Variants in ADAMTS15 observed in about 807,000 individuals in gnomAD.
The protein encoded by ADAMTS15 is ADAM metallopeptidase with thrombospondin type 1 motif 15.
A neutral mutation model predicts 79.1 loss-of-function variants in ADAMTS15; 35 were observed. The ratio of observed to expected loss-of-function variants is 0.44; its 90% CI spans 0.34 to 0.59. The LOEUF (loss-of-function observed/expected upper bound fraction) is 0.59. Among genes scored for constraint, ADAMTS15 ranks in the 20% least tolerant of loss-of-function variants. The pLI is 0.02. For synonymous variants in ADAMTS15, 616 were observed against 567.3 expected (o/e 1.09, Z -1.22); for missense variants, 1,324 against 1,318.7 (o/e 1.00, Z -0.06).
Position 130,472,906 on chromosome 11 carries a change from T to C in ADAMTS15, c.2079-141T>C. 2.4e-6 allele frequency: 3 copies of C among 1,262,460 alleles called. No homozygotes were observed. The highest frequency in any genetic ancestry group is 3.3e-6 in the Non-Finnish European group (3 of 909,408). The allele number at this position is 1,262,460 out of a possible 1,614,324, so 78.2% of individuals were successfully genotyped here. On this transcript the variant is annotated intron_variant, in intron 7 of 7. Coordinates refer to ENST00000299164, the MANE Select transcript of ADAMTS15 (RefSeq NM_139055.4). This position sits in a 1 kb window ranked among gnomAD's most constrained non-coding sequence, Gnocchi z 4.7. ...CACCAATCGCCAAGGGGCAGGGACC[T>C]CTCTGACTCCAAAACCTGTGCTTTT...
At chr11:130,466,636 T>G (rs1938305019) in intron 4 of ADAMTS15, among the ~76,000 whole-genome samples, 1 of 152,210 alleles carries the variant, frequency 6.6e-6, no homozygotes, top group Admixed American at 6.5e-5. Flanking sequence ...TGCAGTTGCC[T>G]CCAACTGGTC....
chr11:130,474,038 C>A lies in ADAMTS15; in HGVS notation c.*217C>A. On this transcript the variant is annotated 3_prime_UTR_variant, in exon 8 of 8. Coordinates refer to ENST00000299164, the MANE Select transcript of ADAMTS15 (RefSeq NM_139055.4). Reference sequence around the variant, plus strand: ...AACTCCCGCACAGTCTACCTCAGGCCCCGCTCCTCGGGCCGGTTGCGGGGA... The same window carrying A: ...AACTCCCGCACAGTCTACCTCAGGCACCGCTCCTCGGGCCGGTTGCGGGGA... 1 of 617,312 alleles carries A rather than the reference C, an allele frequency of 1.6e-6. No homozygotes were observed. Among genetic ancestry groups the A allele is most frequent in the Non-Finnish European group, 2.6e-6 (1 of 382,900 alleles). The allele number at this position is 617,312 out of a possible 1,614,324, so 38.2% of individuals were successfully genotyped here.
chr11:130,462,613 T>A lies in ADAMTS15; in HGVS notation c.1375T>A (p.Cys459Ser). The change falls in exon 4 of 8, where the codon TGT becomes AGT. Residue 459 changes from cysteine (C) to serine (S), a missense_variant. Physicochemically the swap from Cys to Ser is moderately radical, Grantham distance 112. Transcript: ENST00000299164. This position sits in a 1 kb window ranked among gnomAD's most constrained non-coding sequence, Gnocchi z 4.3. ...GGCTTTTGGCGTGGGCTCCAAGCCCTGTCCTTACATGCAGTACTGCACCAA... is the reference window on the plus strand; with the variant it reads ...GGCTTTTGGCGTGGGCTCCAAGCCCAGTCCTTACATGCAGTACTGCACCAA... ...ELAFGVGSKP[C>S]PYMQYCTKLW... 1 of 1,613,924 alleles carries A rather than the reference T, an allele frequency of 6.2e-7. No individual in the cohort carries two copies. The highest frequency in any genetic ancestry group is 8.5e-7 in the Non-Finnish European group (1 of 1,179,892).
At chr11:130,455,054 G>A (rs116910233) in intron 1 of ADAMTS15, among the ~76,000 whole-genome samples, 3,504 of 152,158 alleles carry the variant, frequency 0.023, 63 homozygotes, top group South Asian at 0.062. Flanking sequence ...GAATCCGGGG[G>A]CTTGAACTCT....
At chr11:130,470,188 A>ATATATATACG (rs1565397867) in intron 5 of ADAMTS15, among the ~76,000 whole-genome samples, 4 of 48,916 alleles carry the variant, frequency 8.2e-5, no homozygotes, top group Non-Finnish European at 1.6e-4. Context: ...ATATGTGTGT[A>ATATATATACG]TATATATATA....
chr11:130,453,383 G>A (rs935927614), intron 1 of ADAMTS15, among the ~76,000 whole-genome samples: 7 of 148,418 alleles, frequency 4.7e-5, no homozygotes, highest in African/African-American at 1.5e-4. Flanking sequence ...TATTCTGTCT[G>A]CTTCTTCATT....
In ADAMTS15 at chr11:130,470,919, G is replaced by A; in HGVS notation, c.1721-1G>A. On this transcript the variant is annotated splice_acceptor_variant, in intron 5 of 7. Coordinates refer to ENST00000299164, the MANE Select transcript of ADAMTS15 (RefSeq NM_139055.4). LOFTEE classifies it high-confidence loss of function. ...TCTTTCTTATGCTTCTCCCTCCCTA[G>A]CCTCCGGAAAGAGCTTCCGGGAGGA... 6.2e-7 allele frequency: 1 copy of A among 1,612,594 alleles called. No homozygotes were observed.
In ADAMTS15 at chr11:130,473,553, G is replaced by A. The variant is rs1161416766; in HGVS notation, c.2585G>A (p.Arg862Gln). ...AGCTGCGGCAGTGGCCTGCAGAAGC[G>A]GGCGGTGGACTGCCGGGGCTCCGCC... ...SASCGSGLQK[R>Q]AVDCRGSAGQ... is the part of the protein sequence containing the mutation. Residue 862 changes from arginine (R) to glutamine (Q), a missense_variant, in exon 8 of 8, where the codon CGG becomes CAG. Arg to Gln is a conservative substitution (Grantham distance 43). Transcript: ENST00000299164. 9.4e-6 allele frequency: 15 copies of A among 1,603,626 alleles called. No homozygotes were observed. Among genetic ancestry groups the A allele is most frequent in the East Asian group, 2.2e-5 (1 of 44,658 alleles).
At position 130,474,034 on chromosome 11, in the gene ADAMTS15, A is replaced by C; in HGVS notation, c.*213A>C. The C allele has an allele frequency of 1.6e-6, 1 of 627,844 alleles. No individual in the cohort carries two copies. Among genetic ancestry groups the C allele is most frequent in the Non-Finnish European group, 2.6e-6 (1 of 390,438 alleles). 38.9% of individuals were successfully genotyped at this position (627,844 alleles called of 1,614,324 possible). ...CAGGAACTCCCGCACAGTCTACCTC[A>C]GGCCCCGCTCCTCGGGCCGGTTGCG... On this transcript the variant is annotated 3_prime_UTR_variant, in exon 8 of 8. Coordinates refer to ENST00000299164, the MANE Select transcript of ADAMTS15 (RefSeq NM_139055.4).
At position 130,449,626 on chromosome 11, in the gene ADAMTS15, G is replaced by A. The variant is rs1315210313; in HGVS notation, c.653G>A (p.Arg218Gln). 2.5e-6 allele frequency: 4 copies of A among 1,604,158 alleles called. No individual in the cohort carries two copies. Among genetic ancestry groups the A allele is most frequent in the Non-Finnish European group, 2.6e-6 (3 of 1,175,774 alleles). Reference sequence around the variant, plus strand: ...GCCAAGCGTTTCGTGTCTATCCCGCGGTACGTGGAGACGCTGGTGGTCGCG... The same window carrying A: ...GCCAAGCGTTTCGTGTCTATCCCGCAGTACGTGGAGACGCTGGTGGTCGCG... ...GRAKRFVSIP[R>Q]YVETLVVADE... Residue 218 changes from arginine (R) to glutamine (Q), a missense_variant, in exon 1 of 8, where the codon CGG (arginine) becomes CAG (glutamine). Arg to Gln is a conservative substitution (Grantham distance 43). Coordinates refer to ENST00000299164, the MANE Select transcript of ADAMTS15 (RefSeq NM_139055.4). The surrounding 1 kb of genome is among the most constrained non-coding windows in gnomAD (Gnocchi z 7.8).
chr11:130,453,381 C>T (rs1460805298), intron 1 of ADAMTS15, among the ~76,000 whole-genome samples: 3 of 146,028 alleles, frequency 2.1e-5, no homozygotes, highest in Non-Finnish European at 3.0e-5. Context: ...GTTATTCTGT[C>T]TGCTTCTTCA....
At chr11:130,469,092 G>A (rs1382420011) in intron 4 of ADAMTS15, among the ~76,000 whole-genome samples, 170 bp from the exon 5 acceptor site, 1 of 152,152 alleles carries the variant, frequency 6.6e-6, no homozygotes, top group African/African-American at 2.4e-5. Flanking sequence ...GGTGGGCTTG[G>A]TGTGCACTGG....
chr11:130,449,841 C>T lies in ADAMTS15; in HGVS notation c.868C>T (p.Arg290Cys). ...KVTGNAALTL[R>C]NFCAWQKKLN... ...CACCGGCAATGCGGCCCTGACGCTGCGCAACTTCTGTGCCTGGCAGAAGAA... is the reference window on the plus strand; with the variant it reads ...CACCGGCAATGCGGCCCTGACGCTGTGCAACTTCTGTGCCTGGCAGAAGAA... The change falls in exon 1 of 8, where the codon CGC becomes TGC. Residue 290 changes from arginine (R) to cysteine (C), a missense_variant. Coordinates refer to ENST00000299164, the MANE Select transcript of ADAMTS15 (RefSeq NM_139055.4). The surrounding 1 kb of genome is among the most constrained non-coding windows in gnomAD (Gnocchi z 7.8). 2 of 1,608,278 alleles carry T rather than the reference C, an allele frequency of 1.2e-6. No individual in the cohort carries two copies. Among genetic ancestry groups the T allele is most frequent in the African/African-American group, 1.3e-5 (1 of 75,048 alleles).
At chr11:130,465,933 C>T (rs1217793474) in intron 4 of ADAMTS15, among the ~76,000 whole-genome samples, 1 of 150,832 alleles carries the variant, frequency 6.6e-6, no homozygotes, top group Non-Finnish European at 1.5e-5. Flanking sequence ...AGTACGGTGG[C>T]ATGATCTTGG....
At position 130,449,879 on chromosome 11, in the gene ADAMTS15, G is replaced by A. The variant is rs1179972505; in HGVS notation, c.906G>A (p.Val302=). The A allele has an allele frequency of 1.2e-6, 2 of 1,602,848 alleles. No homozygotes were observed. Among genetic ancestry groups the A allele is most frequent in the Admixed American group, 3.3e-5 (2 of 60,026 alleles). ...FCAWQKKLNK[V]SDKHPEYWDT... ...CCTGGCAGAAGAAGCTGAACAAAGT[G>A]AGTGACAAGCACCCCGAGTACTGGG... Residue 302 remains valine (V), a synonymous_variant, in exon 1 of 8, where the codon GTG becomes GTA. Transcript: ENST00000299164. This position sits in a 1 kb window ranked among gnomAD's most constrained non-coding sequence, Gnocchi z 7.8.
In ADAMTS15 at chr11:130,449,250, G is replaced by C. The variant is rs138290327; in HGVS notation, c.277G>C (p.Gly93Arg). The C allele has an allele frequency of 1.2e-4, 199 of 1,613,308 alleles. No homozygotes were observed. In the African/African-American group the frequency reaches 2.5e-3, roughly 20 times the overall value. The part of the protein sequence containing the change: ...HLGVPLQGLT[G>R]GSSDLRRCFY... ...GGGCGTCCCCCTCCAGGGGCTCACC[G>C]GGGGCTCTTCAGACCTGCGACGCTG... is the stretch of plus-strand genomic sequence containing the variant. Residue 93 changes from glycine to arginine, a missense_variant, in exon 1 of 8, where the codon GGG becomes CGG. Gly to Arg is a moderately radical substitution (Grantham distance 125, BLOSUM62 -2). Coordinates refer to ENST00000299164, the MANE Select transcript of ADAMTS15 (RefSeq NM_139055.4). This position sits in a 1 kb window ranked among gnomAD's most constrained non-coding sequence, Gnocchi z 7.8.
chr11:130,466,980 A>T (rs1378335926), intron 4 of ADAMTS15, among the ~76,000 whole-genome samples: 1 of 151,950 alleles, frequency 6.6e-6, no homozygotes, highest in Non-Finnish European at 1.5e-5. Flanking sequence ...AAGCCCACCC[A>T]ATGCTCTGTG....
rs1244452788 is a variant in ADAMTS15 at position 130,470,133 on chromosome 11, C to CATATATATATATATATATATGTGTATAT, written c.1720+712_1720+713insATGTGTATATATATATATATATATATAT. ...CATTACTGAATCATATATATATATA[C>CATATATATATATATATATATGTGTATAT]ATATATATATATATATATGTGTATA... is the stretch of plus-strand genomic sequence containing the variant. On this transcript the variant is annotated intron_variant, in intron 5 of 7. Coordinates refer to ENST00000299164, the MANE Select transcript of ADAMTS15 (RefSeq NM_139055.4). Among the ~76,000 whole-genome samples, 12 of 74,818 alleles carry CATATATATATATATATATATGTGTATAT rather than the reference C, an allele frequency of 1.6e-4. 1 individual carries two copies. The highest frequency in any genetic ancestry group is 2.7e-4 in the Non-Finnish European group (11 of 40,012). 49.1% of individuals were successfully genotyped at this position (74,818 alleles called of 152,430 possible). A position where few individuals can be genotyped will look rare whatever the true frequency, so the allele number is the denominator to read the frequency against.
At chr11:130,454,264 T>G (rs750598275) in intron 1 of ADAMTS15, among the ~76,000 whole-genome samples, 45 of 152,204 alleles carry the variant, frequency 3.0e-4, no homozygotes, top group Admixed American at 2.0e-3. Context: ...CTCTTCCCCC[T>G]TATTCTCTTC....
Sources: allele counts gnomAD v4.1 joint callset (sites outside exome capture counted in the v4.1 genomes callset), GRCh38; gene constraint gnomAD v4.1.1; non-coding constraint Gnocchi (gnomAD v3.1); transcripts MANE v1.5; gene names NCBI Gene and HGNC (gene_info 2026-07-23, HGNC 2026-07-21).